BTRC: variants seen among roughly 807,000 people sequenced by gnomAD.
BTRC encodes the protein beta-transducin repeat containing E3 ubiquitin protein ligase.
Under a neutral mutation model 85.5 loss-of-function variants are expected in BTRC, and 42 were observed. The ratio of observed to expected loss-of-function variants is 0.49; its 90% CI spans 0.38 to 0.64. The LOEUF (loss-of-function observed/expected upper bound fraction) is 0.64. BTRC is among the 30% of genes least tolerant of loss of function. BTRC has a pLI of 0.00. For missense variants in BTRC, 594 were observed against 743.5 expected (o/e 0.80, Z 2.34); for synonymous variants, 255 against 263.3 (o/e 0.97, Z 0.30).
chr10:101,407,580 G>A (rs1405790512), intron 1 of BTRC, among the ~76,000 whole-genome samples: 1 of 151,930 alleles, frequency 6.6e-6, no homozygotes, highest in Non-Finnish European at 1.5e-5. Context: ...TAGTAGAGAT[G>A]GGGTTTTGCC....
At position 101,546,904 on chromosome 10, in the gene BTRC, TA is replaced by T. The variant is rs568130565; in HGVS notation, c.1657-3794del. 3.8e-3 allele frequency among the ~76,000 whole-genome samples: 584 copies of T among 152,342 alleles called. 6 individuals carry two copies. The highest frequency in any genetic ancestry group is 0.013 in the African/African-American group (547 of 41,582). On this transcript the variant is annotated intron_variant, in intron 13 of 14. Coordinates refer to ENST00000370187, the MANE Select transcript of BTRC (RefSeq NM_033637.4). ...TCTTTCCAAACAGAGAAACTAAGCCTAGGCAGATCCACTGGTGAATTCTACC... is the reference window on the plus strand; with the variant it reads ...TCTTTCCAAACAGAGAAACTAAGCCTGGCAGATCCACTGGTGAATTCTACC...
chr10:101,534,451 G>A (rs1263607402), intron 9 of BTRC, among the ~76,000 whole-genome samples: 1 of 151,984 alleles, frequency 6.6e-6, no homozygotes, highest in Non-Finnish European at 1.5e-5. Flanking sequence ...GGTGACAGTG[G>A]CTGCCACTTC....
chr10:101,380,038 C>T (rs1029241511), intron 1 of BTRC, among the ~76,000 whole-genome samples: 4 of 152,084 alleles, frequency 2.6e-5, no homozygotes, highest in Non-Finnish European at 4.4e-5. Context: ...ACTGACAATA[C>T]GAGAATTCTA....
intron 4 of BTRC, among the ~76,000 whole-genome samples, chr10:101,514,126 A>T (rs922236343): frequency 1.3e-5 from 2 of 152,204 alleles, no homozygotes; most frequent in Admixed American, 6.5e-5. Context: ...AGGATTTTTT[A>T]AAAATTATTA....
chr10:101,540,948 T>A (rs984628720), intron 13 of BTRC, among the ~76,000 whole-genome samples: 5 of 152,260 alleles, frequency 3.3e-5, no homozygotes, highest in African/African-American at 1.2e-4. Flanking sequence ...CACATCTTTT[T>A]GTCACAGTTA....
intron 4 of BTRC, among the ~76,000 whole-genome samples, chr10:101,493,225 C>CA (rs990671082): frequency 2.1e-4 from 32 of 151,708 alleles, no homozygotes; most frequent in African/African-American, 7.0e-4. Flanking sequence ...TGACTTCAAA[C>CA]AAAAAAAAGT....
chr10:101,422,072 GT>G (rs1944117301), intron 1 of BTRC, among the ~76,000 whole-genome samples: 1 of 152,148 alleles, frequency 6.6e-6, no homozygotes, highest in South Asian at 2.1e-4. Flanking sequence ...GGTTGAACTA[GT>G]TTACAGTCCC....
intron 3 of BTRC, among the ~76,000 whole-genome samples, chr10:101,471,079 A>G (rs536388272): frequency 3.3e-5 from 5 of 152,314 alleles, no homozygotes; most frequent in East Asian, 1.9e-4. Context: ...ACCAAATACC[A>G]TAGTGTCTTG....
chr10:101,473,799 C>T (rs1442199990), intron 3 of BTRC, among the ~76,000 whole-genome samples: 1 of 151,436 alleles, frequency 6.6e-6, no homozygotes, highest in Admixed American at 6.6e-5. Flanking sequence ...GATCTCACTA[C>T]GTTGCCCAGG....
intron 13 of BTRC, among the ~76,000 whole-genome samples, chr10:101,540,345 A>G (rs1040368721): frequency 1.3e-5 from 2 of 152,150 alleles, no homozygotes; most frequent in Non-Finnish European, 2.9e-5. Flanking sequence ...TTACACATGA[A>G]TATCCAGTTG....
chr10:101,544,780 C>T (rs572913048), intron 13 of BTRC, among the ~76,000 whole-genome samples: 2 of 152,186 alleles, frequency 1.3e-5, no homozygotes, highest in African/African-American at 4.8e-5. Context: ...CTATATAGGC[C>T]AGGCATGGTG....
intron 4 of BTRC, among the ~76,000 whole-genome samples, chr10:101,512,309 C>G (rs2061967560): frequency 1.3e-5 from 2 of 152,192 alleles, no homozygotes; most frequent in Admixed American, 1.3e-4. Flanking sequence ...AATGCCAGAG[C>G]CTTTCCTTAA....
intron 1 of BTRC, among the ~76,000 whole-genome samples, chr10:101,382,679 CTG>C (rs775475473): frequency 7.9e-5 from 12 of 152,290 alleles, no homozygotes; most frequent in Admixed American, 2.6e-4. Flanking sequence ...AACTTGGAGA[CTG>C]TGTAAATATC....
At chr10:101,465,919 A>C (rs1283309941) in intron 3 of BTRC, among the ~76,000 whole-genome samples, 1 of 152,182 alleles carries the variant, frequency 6.6e-6, no homozygotes, top group Non-Finnish European at 1.5e-5. Context: ...TTAAATATGA[A>C]CTTTTATTTA....
At chr10:101,514,504 G>A (rs2061997002) in intron 4 of BTRC, among the ~76,000 whole-genome samples, 1 of 150,798 alleles carries the variant, frequency 6.6e-6, no homozygotes, top group Non-Finnish European at 1.5e-5. Flanking sequence ...CCAATCTAGA[G>A]TGCAGTAGCA....
chr10:101,532,786 G>GTGTGTA (rs1271300430), intron 8 of BTRC, among the ~76,000 whole-genome samples, 166 bp from the exon 9 acceptor site: 6 of 71,840 alleles, frequency 8.4e-5, no homozygotes, highest in African/African-American at 6.5e-4. Context: ...GTGTGTGTGT[G>GTGTGTA]TGTGCGCGTG....
intron 2 of BTRC, among the ~76,000 whole-genome samples, chr10:101,450,085 A>G (rs1484971719): frequency 1.3e-5 from 2 of 151,894 alleles, no homozygotes; most frequent in Non-Finnish European, 2.9e-5. Flanking sequence ...AAAAAAAAAA[A>G]CCTGTAAAGT....
chr10:101,452,145 T>A (rs1022201865), intron 2 of BTRC, among the ~76,000 whole-genome samples: 3 of 152,190 alleles, frequency 2.0e-5, no homozygotes, highest in African/African-American at 7.2e-5. Context: ...ATGATTATAT[T>A]AGCATGCAAA....
At chr10:101,462,139 C>CT in intron 3 of BTRC, 81 bp downstream of exon 3, 2 of 1,164,220 alleles carry the variant, frequency 1.7e-6, no homozygotes, top group East Asian at 4.8e-5. Context: ...ATTTGCCATT[C>CT]TTTAAGCACT....
Sources: gnomAD v4.1 joint callset for allele counts (sites outside exome capture counted in the v4.1 genomes callset) on GRCh38, gnomAD v4.1.1 for gene constraint, MANE v1.5 for transcripts, NCBI Gene and HGNC (gene_info 2026-07-23, HGNC 2026-07-21) for gene names.